Variants in RNF24 observed in about 807,000 individuals in gnomAD.
RNF24 encodes the protein ring finger protein 24.
In RNF24, 14 loss-of-function variants were observed where a neutral mutation model predicts 20.0. The ratio of observed to expected loss-of-function variants is 0.70; its 90% confidence interval spans 0.46 to 1.10. The LOEUF (loss-of-function observed/expected upper bound fraction) is 1.10. RNF24 is among the 50% of genes least tolerant of loss of function. The pLI, the probability that RNF24 is intolerant of heterozygous loss-of-function variation, is 0.00. For synonymous variants in RNF24, 45 were observed against 61.1 expected (o/e 0.74, Z 1.23); for missense variants, 124 against 177.6 (o/e 0.70, Z 1.71).
intron 1 of RNF24, among the ~76,000 whole-genome samples, chr20:3,968,282 A>G (rs557209679): frequency 2.2e-4 from 34 of 151,756 alleles, no homozygotes; most frequent in African/African-American, 5.3e-4. Context: ...AGCCTGGGAC[A>G]GAGCAAGACT....
In RNF24 at chr20:3,934,244, C is replaced by T; in HGVS notation, c.309-43G>A. The T allele has an allele frequency of 1.3e-6, 2 of 1,582,822 alleles. No individual in the cohort carries two copies. The highest frequency in any genetic ancestry group is 1.7e-6 in the Non-Finnish European group (2 of 1,165,116). On this transcript the variant is annotated intron_variant, in intron 5 of 5. Transcript: ENST00000358395. This position sits in a 1 kb window ranked among gnomAD's most constrained non-coding sequence, Gnocchi z 4.0. Reference sequence around the variant, plus strand: ...ACAGGGGGAAGATGTCAGTCCTATGCTCATGGCACGGCTGTTCTGCTGAAC... The same window carrying T: ...ACAGGGGGAAGATGTCAGTCCTATGTTCATGGCACGGCTGTTCTGCTGAAC...
At chr20:3,941,195 G>A (rs2090951243) in intron 4 of RNF24, among the ~76,000 whole-genome samples, 1 of 152,134 alleles carries the variant, frequency 6.6e-6, no homozygotes, top group Admixed American at 6.5e-5. Flanking sequence ...GTAAGTTTTT[G>A]TATTTTTTGT....
At chr20:3,956,144 C>T (rs1180363954) in intron 2 of RNF24, among the ~76,000 whole-genome samples, 1 of 151,914 alleles carries the variant, frequency 6.6e-6, no homozygotes, top group Admixed American at 6.6e-5. Flanking sequence ...ATTGTTCTGG[C>T]TAGAACTTCC....
chr20:3,953,041 C>A (rs1003369666), intron 2 of RNF24, among the ~76,000 whole-genome samples: 1 of 152,184 alleles, frequency 6.6e-6, no homozygotes, highest in Non-Finnish European at 1.5e-5. Flanking sequence ...ATTTGTTCCA[C>A]TTTTATTCTC....
rs1246989864 is a variant in RNF24 at position 3,946,857 on chromosome 20, G to A, written c.186+1380C>T. Among the ~76,000 whole-genome samples the A allele has an allele frequency of 2.0e-5, 3 of 152,242 alleles. No homozygotes were observed. In the East Asian group the frequency reaches 5.8e-4, roughly 29 times the overall value. On this transcript the variant is annotated intron_variant, in intron 3 of 5. Coordinates refer to ENST00000358395, the MANE Select transcript of RNF24 (RefSeq NM_001134337.3). ...GTCCATCTAGGGAATGTGCCAGTGA[G>A]CTCAGATTTCAAACATACATGGACG...
intron 1 of RNF24, among the ~76,000 whole-genome samples, chr20:4,001,200 G>A (rs757631703): frequency 6.6e-6 from 1 of 152,184 alleles, no homozygotes; most frequent in Non-Finnish European, 1.5e-5. Flanking sequence ...CCGGGAGGCA[G>A]AGGTTGCAGC....
Position 3,930,534 on chromosome 20 carries a change from G to C in RNF24, c.*3529C>G, listed in dbSNP as rs142465390. On this transcript the variant is annotated 3_prime_UTR_variant, in exon 6 of 6. Transcript: ENST00000358395. ...CCTGGGTGGTAGCTAAGGAAGCTAA[G>C]GAAGAGACTGAGAGGCTAACCTGCA... The C allele has an allele frequency of 3.9e-5, 6 of 152,004 alleles. No homozygotes were observed. Among genetic ancestry groups the C allele is most frequent in the African/African-American group, 1.5e-4 (6 of 41,246 alleles). The allele number at this position is 152,004 out of a possible 1,614,324, so 9.4% of individuals were successfully genotyped here.
intron 2 of RNF24, among the ~76,000 whole-genome samples, chr20:3,950,784 C>T (rs1047052498): frequency 6.6e-6 from 1 of 152,090 alleles, no homozygotes; most frequent in Non-Finnish European, 1.5e-5. Context: ...ATTATCAAAA[C>T]CATTAAATTA....
At chr20:3,951,082 A>C (rs986737200) in intron 2 of RNF24, among the ~76,000 whole-genome samples, 1 of 152,140 alleles carries the variant, frequency 6.6e-6, no homozygotes, top group Non-Finnish European at 1.5e-5. Context: ...CAGCCTCCCA[A>C]GTAGCTGGGA....
In RNF24 at chr20:3,934,295, C is replaced by A; in HGVS notation, c.309-94G>T. On this transcript the variant is annotated intron_variant, in intron 5 of 5. Transcript: ENST00000358395. The surrounding 1 kb of genome is among the most constrained non-coding windows in gnomAD (Gnocchi z 4.0). ...ATCTCCATATCTGTCACCCAGACAACGTCTGCTGTATGGTCCAAGGAGCTC... is the reference window on the plus strand; with the variant it reads ...ATCTCCATATCTGTCACCCAGACAAAGTCTGCTGTATGGTCCAAGGAGCTC... 2.3e-6 allele frequency: 3 copies of A among 1,330,244 alleles called. No homozygotes were observed. Among genetic ancestry groups the A allele is most frequent in the Non-Finnish European group, 3.1e-6 (3 of 973,978 alleles). 82.4% of individuals were successfully genotyped at this position (1,330,244 alleles called of 1,614,324 possible).
At chr20:4,005,579 T>C (rs899707328) in intron 1 of RNF24, among the ~76,000 whole-genome samples, 4 of 152,354 alleles carry the variant, frequency 2.6e-5, no homozygotes, top group African/African-American at 9.6e-5. Flanking sequence ...ATTTGACGTT[T>C]CATTATCTGT....
intron 4 of RNF24, among the ~76,000 whole-genome samples, chr20:3,939,641 A>T (rs1482462724): frequency 6.6e-6 from 1 of 152,082 alleles, no homozygotes; most frequent in African/African-American, 2.4e-5. Context: ...GAGTTCTCTA[A>T]CTCTGTTCTT....
intron 1 of RNF24, 67 bp from the exon 2 acceptor site, chr20:3,964,091 G>T: frequency 7.0e-7 from 1 of 1,426,014 alleles, no homozygotes; most frequent in South Asian, 1.2e-5. Flanking sequence ...CATTATCATT[G>T]TGCACGTATA....
chr20:4,007,795 G>A (rs1490955181), intron 1 of RNF24, among the ~76,000 whole-genome samples: 2 of 151,240 alleles, frequency 1.3e-5, no homozygotes, highest in Non-Finnish European at 2.9e-5. Context: ...GTGTGCCTGT[G>A]GTCGCAGCTA....
At chr20:3,996,709 T>C (rs1980896582) in intron 1 of RNF24, among the ~76,000 whole-genome samples, 1 of 152,212 alleles carries the variant, frequency 6.6e-6, no homozygotes, top group South Asian at 2.1e-4. Flanking sequence ...TGTCTGGGAA[T>C]CATGCTTAAC....
Position 3,934,937 on chromosome 20 carries a change from G to A in RNF24, c.308+57C>T. ...GGCACTGCCCTAAAACCCAAAAGAA[G>A]TTGGTTGATGTGCCTCAAACTCGGG... is the stretch of plus-strand genomic sequence containing the variant. On this transcript the variant is annotated intron_variant, in intron 5 of 5. Coordinates refer to ENST00000358395, the MANE Select transcript of RNF24 (RefSeq NM_001134337.3). The surrounding 1 kb of genome is among the most constrained non-coding windows in gnomAD (Gnocchi z 4.0). 1 of 1,448,160 alleles carries A rather than the reference G, an allele frequency of 6.9e-7. No homozygotes were observed. The highest frequency in any genetic ancestry group is 9.7e-7 in the Non-Finnish European group (1 of 1,030,342). The allele number at this position is 1,448,160 out of a possible 1,614,324, so 89.7% of individuals were successfully genotyped here. A position where few individuals can be genotyped will look rare whatever the true frequency, so the allele number is the denominator to read the frequency against.
chr20:3,992,911 G>A (rs1183693877), intron 1 of RNF24, among the ~76,000 whole-genome samples: 2 of 152,102 alleles, frequency 1.3e-5, no homozygotes, highest in Non-Finnish European at 2.9e-5. Flanking sequence ...TATTGGTTTA[G>A]GTTCAAATGG....
chr20:3,985,220 G>A (rs919685349), intron 1 of RNF24, among the ~76,000 whole-genome samples: 1 of 151,580 alleles, frequency 6.6e-6, no homozygotes, highest in South Asian at 2.1e-4. Context: ...ATGTTTCATC[G>A]CAATGTTTTA....
rs561302531 is a variant in RNF24 at position 3,946,431 on chromosome 20, G to A, written c.187-1213C>T. Among the ~76,000 whole-genome samples the A allele has an allele frequency of 1.8e-4, 28 of 152,212 alleles. 1 individual carries two copies. In the South Asian group the frequency reaches 4.8e-3, roughly 26 times the overall value. ...ATTGCACCACTGCACTCCAGCCTGC[G>A]TGACAGAAGCGAGACCCTGTCTCAA... On this transcript the variant is annotated intron_variant, in intron 3 of 5. Coordinates refer to ENST00000358395, the MANE Select transcript of RNF24 (RefSeq NM_001134337.3).
Sources: allele counts gnomAD v4.1 joint callset (sites outside exome capture counted in the v4.1 genomes callset), GRCh38; gene constraint gnomAD v4.1.1; non-coding constraint Gnocchi (gnomAD v3.1); transcripts MANE v1.5; gene names NCBI Gene and HGNC (gene_info 2026-07-23, HGNC 2026-07-21).